The following RAB9A variants were observed in gnomAD, a reference collection of about 807,000 sequenced individuals.
The protein encoded by RAB9A is ras-related protein Rab-9A.
Under a neutral mutation model 10.3 loss-of-function variants are expected in RAB9A, and 1 was observed. The ratio of observed to expected loss-of-function variants is 0.10; its 90% CI spans 0.03 to 0.46. The LOEUF is 0.46. Ranked by LOEUF, RAB9A falls within the 20% of genes least tolerant of loss-of-function variation. RAB9A has a pLI of 0.96. For synonymous variants in RAB9A, 39 were observed against 55.2 expected, an observed-to-expected ratio of 0.71 and a Z score of 1.30; for missense variants, 92 against 150.3, an observed-to-expected ratio of 0.61 and a Z score of 2.03.
In RAB9A at chrX:13,709,949, A is replaced by C. The variant is rs752991736; in HGVS notation, c.*597A>C. The C allele has an allele frequency of 8.1e-6, 1 of 123,065 alleles. No individual in the cohort carries two copies. Among genetic ancestry groups the C allele is most frequent in the East Asian group, 2.8e-4 (1 of 3,608 alleles). 10.1% of individuals were successfully genotyped at this position (123,065 alleles called of 1,213,427 possible). A position where few individuals can be genotyped will look rare whatever the true frequency, so the allele number is the denominator to read the frequency against. The stretch of plus-strand genomic sequence containing the variant: ...ATTTGTGTGCCATTCATGCACCCCC[A>C]CCCCCATAAATCATGTTCCACAGTC... On this transcript the variant is annotated 3_prime_UTR_variant, in exon 3 of 3. Coordinates refer to ENST00000464506, the MANE Select transcript of RAB9A (RefSeq NM_004251.5).
Position 13,693,250 on chromosome X carries a change from G to A in RAB9A, c.-116+3962G>A, listed in dbSNP as rs189393972. Among the ~76,000 whole-genome samples the A allele has an allele frequency of 1.3e-3, 145 of 112,570 alleles. 1 individual carries two copies. The highest frequency in any genetic ancestry group is 2.2e-3 in the Non-Finnish European group (118 of 53,350). ...TTTGGGCAACGCATCTAACTTGAAAGGTGTATAGATAATAGACTCTTCAGT... is the reference window on the plus strand; with the variant it reads ...TTTGGGCAACGCATCTAACTTGAAAAGTGTATAGATAATAGACTCTTCAGT... On this transcript the variant is annotated intron_variant, in intron 1 of 2. Coordinates refer to ENST00000464506, the MANE Select transcript of RAB9A (RefSeq NM_004251.5).
chrX:13,690,304 A>G lies in RAB9A; in HGVS notation c.-116+1016A>G, dbSNP rs747646223. ...TCCTTTAGAAGATTATGAAGTTATC[A>G]TGATTGCTTCTCTAGAACTTTAGTA... is the stretch of plus-strand genomic sequence containing the variant. On this transcript the variant is annotated intron_variant, in intron 1 of 2. Coordinates refer to ENST00000464506, the MANE Select transcript of RAB9A (RefSeq NM_004251.5). Among the ~76,000 whole-genome samples the G allele has an allele frequency of 2.7e-5, 3 of 112,387 alleles. No individual in the cohort carries two copies. The East Asian group carries it at 8.3e-4, about 31-fold the overall frequency.
At chrX:13,703,304 C>G (rs1362653328) in intron 1 of RAB9A, among the ~76,000 whole-genome samples, 1 of 111,797 alleles carries the variant, frequency 8.9e-6, no homozygotes, top group Non-Finnish European at 1.9e-5. Context: ...TGACCTTGAG[C>G]ATGTATGTAA....
intron 1 of RAB9A, among the ~76,000 whole-genome samples, chrX:13,694,577 T>TC (rs1057301771): frequency 9.0e-6 from 1 of 111,714 alleles, no homozygotes; most frequent in African/African-American, 3.3e-5. Context: ...TCTAATTAAC[T>TC]CCCCTCCAGT....
At chrX:13,703,041 G>A (rs193099007) in intron 1 of RAB9A, among the ~76,000 whole-genome samples, 4 of 112,983 alleles carry the variant, frequency 3.5e-5, no homozygotes, top group Non-Finnish European at 7.5e-5. Flanking sequence ...TATGCTACAT[G>A]TCAGTAAGAT....
In RAB9A at chrX:13,708,658, G is replaced by A; in HGVS notation, c.-26-63G>A. On this transcript the variant is annotated intron_variant, in intron 2 of 2. Coordinates refer to ENST00000464506, the MANE Select transcript of RAB9A (RefSeq NM_004251.5). ...TTATTTCAGCTAAATGCTGATATTC[G>A]TAGAATCATGTAGAAGAATGTGTAG... 12 of 991,307 alleles carry A rather than the reference G, an allele frequency of 1.2e-5. No homozygotes were observed. In the South Asian group the frequency reaches 1.7e-4, roughly 14 times the overall value. The allele number at this position is 991,307 out of a possible 1,213,427, so 81.7% of individuals were successfully genotyped here. A position where few individuals can be genotyped will look rare whatever the true frequency, so the allele number is the denominator to read the frequency against.
intron 1 of RAB9A, among the ~76,000 whole-genome samples, chrX:13,698,915 C>T (rs1602697006): frequency 9.1e-6 from 1 of 109,385 alleles, no homozygotes; most frequent in East Asian, 2.8e-4. Context: ...GTAAGTACAC[C>T]TCTAAGTAGG....
At chrX:13,700,420 G>A (rs1231948660) in intron 1 of RAB9A, among the ~76,000 whole-genome samples, 1 of 111,839 alleles carries the variant, frequency 8.9e-6, no homozygotes, top group African/African-American at 3.3e-5. Flanking sequence ...AGTACATAAT[G>A]GAAAAGTTGG....
intron 1 of RAB9A, among the ~76,000 whole-genome samples, chrX:13,691,956 G>A (rs1005992299): frequency 9.2e-6 from 1 of 108,821 alleles, no homozygotes; most frequent in Non-Finnish European, 1.9e-5. Flanking sequence ...TATTGCCTGG[G>A]CTACTCAAGG....
chrX:13,693,258 G>A (rs750351118), intron 1 of RAB9A, among the ~76,000 whole-genome samples: 3 of 112,582 alleles, frequency 2.7e-5, no homozygotes, highest in Non-Finnish European at 5.6e-5. Context: ...AAGGTGTATA[G>A]ATAATAGACT....
intron 1 of RAB9A, among the ~76,000 whole-genome samples, chrX:13,699,169 A>G (rs967829660): frequency 3.6e-5 from 4 of 111,569 alleles, no homozygotes; most frequent in Admixed American, 1.9e-4. Context: ...CAGTCAGTCA[A>G]TAGTACTTAT....
chrX:13,704,533 A>G (rs1047654775), intron 2 of RAB9A, among the ~76,000 whole-genome samples: 3 of 110,661 alleles, frequency 2.7e-5, no homozygotes, highest in Non-Finnish European at 5.6e-5. Flanking sequence ...TTTTATGTAG[A>G]TAATGATGCT....
At chrX:13,699,409 A>C (rs7054410) in intron 1 of RAB9A, among the ~76,000 whole-genome samples, 31,281 of 111,577 alleles carry the variant, frequency 0.28, 3,283 homozygotes, top group South Asian at 0.46. Context: ...CCAAATGTAG[A>C]GCATTGTACG....
chrX:13,691,240 A>T (rs1283528307), intron 1 of RAB9A, among the ~76,000 whole-genome samples: 1 of 111,690 alleles, frequency 9.0e-6, no homozygotes, highest in East Asian at 2.8e-4. Context: ...GTAACCCCAG[A>T]GCTTACATTT....
At chrX:13,703,698 A>G (rs1030267860) in intron 1 of RAB9A, 116 bp from the exon 2 acceptor site, 2 of 111,694 alleles carry the variant, frequency 1.8e-5, no homozygotes, top group African/African-American at 6.5e-5. Flanking sequence ...GGCCTGTATC[A>G]TCCTCTAATT....
rs1366120474 is a variant in RAB9A at position 13,709,857 on chromosome X, A to T, written c.*505A>T. On this transcript the variant is annotated 3_prime_UTR_variant, in exon 3 of 3. Transcript: ENST00000464506. ...GTTAATTTACTTCTTCATTCTCTTC[A>T]AAATGATTTAACCATTCCTGTTTTC... 2.4e-5 allele frequency: 3 copies of T among 124,014 alleles called. No individual in the cohort carries two copies. Among genetic ancestry groups the T allele is most frequent in the Non-Finnish European group, 5.6e-5 (3 of 53,558 alleles). 10.2% of individuals were successfully genotyped at this position (124,014 alleles called of 1,213,427 possible).
At position 13,707,576 on chromosome X, in the gene RAB9A, A is replaced by G. The variant is rs929173466; in HGVS notation, c.-26-1145A>G. On this transcript the variant is annotated intron_variant, in intron 2 of 2. Coordinates refer to ENST00000464506, the MANE Select transcript of RAB9A (RefSeq NM_004251.5). The stretch of plus-strand genomic sequence containing the variant: ...GGGCATCTGAAATCTCACCCCCCAC[A>G]GGCTGGCTCTTGTAGTGTAGTAAAG... 7.1e-5 allele frequency among the ~76,000 whole-genome samples: 8 copies of G among 112,028 alleles called. No individual in the cohort carries two copies. In the Admixed American group the frequency reaches 7.6e-4, roughly 11 times the overall value.
At chrX:13,704,869 C>T (rs2046191018) in intron 2 of RAB9A, among the ~76,000 whole-genome samples, 1 of 111,580 alleles carries the variant, frequency 9.0e-6, no homozygotes, top group Admixed American at 9.5e-5. Flanking sequence ...ATCTGTCCGC[C>T]CCAGCCTCCC....
intron 1 of RAB9A, among the ~76,000 whole-genome samples, chrX:13,695,804 G>A (rs2046145089): frequency 9.0e-6 from 1 of 111,426 alleles, no homozygotes; most frequent in African/African-American, 3.3e-5. Context: ...GATACCATCT[G>A]GAAACAGGTA....
Sources: allele counts gnomAD v4.1 joint callset (sites outside exome capture counted in the v4.1 genomes callset), GRCh38; gene constraint gnomAD v4.1.1; transcripts MANE v1.5; gene names NCBI Gene and HGNC (gene_info 2026-07-23, HGNC 2026-07-21).